Variants in SESN2 observed in about 807,000 individuals in gnomAD.
SESN2 encodes sestrin 2, also known as sestrin-2.
SESN2 carries 42 observed loss-of-function variants against 56.0 expected under a neutral mutation model. That is an observed-to-expected ratio of 0.75 (90% CI 0.59 to 0.97). SESN2 has a LOEUF of 0.97. Among genes scored for constraint, SESN2 ranks in the 50% least tolerant of loss-of-function variants. SESN2 has a pLI of 0.00. For missense variants in SESN2, 507 were observed against 649.4 expected (o/e 0.78, Z 2.38); for synonymous variants, 264 against 267.1 (o/e 0.99, Z 0.11).
At chr1:28,268,865 A>G (rs1392559867) in intron 1 of SESN2, among the ~76,000 whole-genome samples, 1 of 152,182 alleles carries the variant, frequency 6.6e-6, no homozygotes. Flanking sequence ...CTCTGGGACC[A>G]CTAAGAAGGT....
At chr1:28,269,587 C>T (rs529159266) in intron 2 of SESN2, among the ~76,000 whole-genome samples, 5 of 152,066 alleles carry the variant, frequency 3.3e-5, no homozygotes, top group African/African-American at 4.8e-5. Context: ...ATATATTACA[C>T]GCTCTTTTCT....
In SESN2 at chr1:28,272,381, G is replaced by A. The variant is rs1647811971; in HGVS notation, c.452G>A (p.Arg151Gln). The A allele has an allele frequency of 1.9e-6, 3 of 1,613,640 alleles. No individual in the cohort carries two copies. The highest frequency in any genetic ancestry group is 1.7e-4 in the Middle Eastern group (1 of 6,044). Reference sequence around the variant, plus strand: ...CCTGAGTGGCTGCTGGGCCTCCACCGGGCCCCCGAGAAGCTGCGCAAACTC... The same window carrying A: ...CCTGAGTGGCTGCTGGGCCTCCACCAGGCCCCCGAGAAGCTGCGCAAACTC... ...GDPEWLLGLH[R>Q]APEKLRKLSE... is the part of the protein sequence containing the mutation. The change falls in exon 4 of 10, where the codon CGG becomes CAG. Residue 151 changes from arginine to glutamine, a missense_variant. By Grantham distance (43) the Arg-to-Gln change is conservative. Transcript: ENST00000253063.
chr1:28,280,331 C>T (rs1198374245), intron 9 of SESN2, among the ~76,000 whole-genome samples: 1 of 152,184 alleles, frequency 6.6e-6, no homozygotes, highest in Non-Finnish European at 1.5e-5. Context: ...CTCAGCTTTC[C>T]AAGTAGCTGG....
At chr1:28,272,079 G>T (rs1049171531) in intron 3 of SESN2, among the ~76,000 whole-genome samples, 1 of 152,214 alleles carries the variant, frequency 6.6e-6, no homozygotes, top group Non-Finnish European at 1.5e-5. Flanking sequence ...GTTAGTGCTT[G>T]TGTTAGGTAC....
At position 28,259,763 on chromosome 1, in the gene SESN2, G is replaced by A; in HGVS notation, c.-85G>A. The A allele has an allele frequency of 9.1e-7, 1 of 1,102,628 alleles. No homozygotes were observed. The highest frequency in any genetic ancestry group is 1.7e-5 in the African/African-American group (1 of 60,430). 68.3% of individuals were successfully genotyped at this position (1,102,628 alleles called of 1,614,324 possible). A position where few individuals can be genotyped will look rare whatever the true frequency, so the allele number is the denominator to read the frequency against. On this transcript the variant is annotated 5_prime_UTR_variant, in exon 1 of 10. Coordinates refer to ENST00000253063, the MANE Select transcript of SESN2 (RefSeq NM_031459.5). The stretch of plus-strand genomic sequence containing the variant: ...TCTAGAAGCTCCCCGGCGGCGCCCA[G>A]TCCCGGCTTCATTCGGGCGTCCCTC...
At chr1:28,269,087 A>C in intron 1 of SESN2, 96 bp from the exon 2 acceptor site, 3 of 810,152 alleles carry the variant, frequency 3.7e-6, no homozygotes, top group Admixed American at 2.5e-5. Context: ...TTAACACTTC[A>C]GTGTAGCCCC....
intron 8 of SESN2, among the ~76,000 whole-genome samples, chr1:28,278,817 A>C (rs1386662439): frequency 1.3e-5 from 2 of 152,178 alleles, no homozygotes; most frequent in Non-Finnish European, 2.9e-5. Flanking sequence ...AGTCATGTAC[A>C]CAGTAGTGTA....
chr1:28,275,044 T>C, intron 8 of SESN2, 29 bp downstream of exon 8: 2 of 1,532,130 alleles, frequency 1.3e-6, no homozygotes, highest in Non-Finnish European at 1.8e-6. Flanking sequence ...ATTTGGGGCA[T>C]GTGTGCACTG....
In SESN2 at chr1:28,259,910, C is replaced by A. The variant is rs1341475927; in HGVS notation, c.63C>A (p.Gly21=). Residue 21 remains glycine, a synonymous_variant, in exon 1 of 10, where the codon GGC becomes GGA. Coordinates refer to ENST00000253063, the MANE Select transcript of SESN2 (RefSeq NM_031459.5). ...AGGACTACCTGCGGTTCGCCCCGGG[C>A]GGCGTCGGCGACTCGGGCCCCGGAG... The part of the protein sequence containing the change: ...ELKDYLRFAP[G]GVGDSGPGEE... The A allele has an allele frequency of 6.8e-7, 1 of 1,474,796 alleles. No homozygotes were observed. The highest frequency in any genetic ancestry group is 8.9e-7 in the Non-Finnish European group (1 of 1,118,054). The allele number at this position is 1,474,796 out of a possible 1,614,324, so 91.4% of individuals were successfully genotyped here.
chr1:28,277,097 T>C lies in SESN2; in HGVS notation c.1212-2000T>C, dbSNP rs531371744. Among the ~76,000 whole-genome samples, 9 of 151,044 alleles carry C rather than the reference T, an allele frequency of 6.0e-5. No homozygotes were observed. In the South Asian group the frequency reaches 8.4e-4, roughly 14 times the overall value. On this transcript the variant is annotated intron_variant, in intron 8 of 9. Transcript: ENST00000253063. ...TAGTTTTTTGTATTTTTAGCAGAGA[T>C]GGGGTTTCAGCCTGGTAGCCAGGAT...
intron 1 of SESN2, among the ~76,000 whole-genome samples, chr1:28,260,925 C>T (rs1174606388): frequency 2.0e-5 from 3 of 152,120 alleles, no homozygotes; most frequent in Admixed American, 6.6e-5. Context: ...GCAATACAAG[C>T]TACGCTATAG....
At chr1:28,263,279 C>T (rs1647444047) in intron 1 of SESN2, among the ~76,000 whole-genome samples, 1 of 152,126 alleles carries the variant, frequency 6.6e-6, no homozygotes, top group Non-Finnish European at 1.5e-5. Flanking sequence ...GAACTGTTTC[C>T]CTCTGGGTGG....
chr1:28,278,979 C>T (rs1490636849), intron 8 of SESN2, 118 bp from the exon 9 acceptor site: 6 of 984,844 alleles, frequency 6.1e-6, no homozygotes, highest in Non-Finnish European at 7.8e-6. Context: ...CTTCTTGTTG[C>T]TTCTACCTTC....
intron 2 of SESN2, among the ~76,000 whole-genome samples, chr1:28,271,180 G>A (rs1426114216): frequency 6.6e-6 from 1 of 152,160 alleles, no homozygotes; most frequent in African/African-American, 2.4e-5. Flanking sequence ...CAGGCTTATT[G>A]GCTAGATCCC....
chr1:28,266,164 T>C (rs1647553462), intron 1 of SESN2, among the ~76,000 whole-genome samples: 1 of 152,168 alleles, frequency 6.6e-6, no homozygotes, highest in Admixed American at 6.6e-5. Flanking sequence ...GAGAAAGTGA[T>C]CAATAAATGG....
chr1:28,267,565 C>T (rs1414038468), intron 1 of SESN2, among the ~76,000 whole-genome samples: 4 of 152,096 alleles, frequency 2.6e-5, no homozygotes, highest in African/African-American at 4.8e-5. Flanking sequence ...GAGAACTGGG[C>T]GCCTCCTATC....
At position 28,280,788 on chromosome 1, in the gene SESN2, C is replaced by CGGCACATGTA; in HGVS notation, c.1430_1431insGCACATGTAG (p.Tyr478HisfsTer3). On this transcript the variant is annotated stop_gained and frameshift_variant, in exon 10 of 10. Coordinates refer to ENST00000253063, the MANE Select transcript of SESN2 (RefSeq NM_031459.5). LOFTEE classifies it high-confidence loss of function. ...GCTGTACGCCCTCCGTGCCATCACC[C>CGGCACATGTA]GCTACATGACCTGACTCCTGAGCAG... 6.2e-7 allele frequency: 1 copy of CGGCACATGTA among 1,613,392 alleles called. No individual in the cohort carries two copies. The highest frequency in any genetic ancestry group is 8.5e-7 in the Non-Finnish European group (1 of 1,179,782).
intron 1 of SESN2, among the ~76,000 whole-genome samples, 163 bp downstream of exon 1, chr1:28,260,100 A>C (rs1572088601): frequency 3.5e-5 from 5 of 143,066 alleles, no homozygotes; most frequent in African/African-American, 1.0e-4. Context: ...GGCCCTCGGC[A>C]CCCCTCCCCC....
rs1481189965 is a variant in SESN2 at position 28,272,656 on chromosome 1, C to A, written c.613C>A (p.His205Asn). 6.2e-7 allele frequency: 1 copy of A among 1,614,142 alleles called. No individual in the cohort carries two copies. Among genetic ancestry groups the A allele is most frequent in the Non-Finnish European group, 8.5e-7 (1 of 1,180,016 alleles). The change falls in exon 5 of 10, where the codon CAC (histidine) becomes AAC (asparagine). Residue 205 changes from histidine (H) to asparagine (N), a missense_variant. His to Asn is a moderately conservative substitution (Grantham distance 68). Transcript: ENST00000253063. ...IQALVLLTHC[H>N]SLSSFVFGCG... Reference sequence around the variant, plus strand: ...GGCTCTGGTCCTGCTCACCCACTGCCACTCGCTCTCCTCCTTCGTGTTTGG... The same window carrying A: ...GGCTCTGGTCCTGCTCACCCACTGCAACTCGCTCTCCTCCTTCGTGTTTGG...
Sources: gnomAD v4.1 joint callset for allele counts (sites outside exome capture counted in the v4.1 genomes callset) on GRCh38, gnomAD v4.1.1 for gene constraint, MANE v1.5 for transcripts, NCBI Gene and HGNC (gene_info 2026-07-23, HGNC 2026-07-21) for gene names.